The following PTK2 variants were observed in gnomAD, a reference collection of about 807,000 sequenced individuals.
PTK2 encodes focal adhesion kinase 1.
Under a neutral mutation model 150.1 loss-of-function variants are expected in PTK2, and 45 were observed. The observed-to-expected ratio is 0.30, with a 90% confidence interval of 0.24 to 0.38. The LOEUF (loss-of-function observed/expected upper bound fraction) is 0.38. Ranked by LOEUF, PTK2 falls within the 10% of genes least tolerant of loss-of-function variation. The pLI is 1.00. For missense variants in PTK2, 919 were observed against 1,307.3 expected, an observed-to-expected ratio of 0.70 and a Z score of 4.58; for synonymous variants, 432 against 449.2, an observed-to-expected ratio of 0.96 and a Z score of 0.48.
intron 7 of PTK2, among the ~76,000 whole-genome samples, chr8:140,836,681 C>G (rs550193680): frequency 2.6e-5 from 4 of 152,104 alleles, no homozygotes; most frequent in African/African-American, 9.6e-5. Context: ...AATTTTAAAC[C>G]ACAAATTTAT....
exon 2 of PTK2, chr8:140,925,733 G>T: frequency 1.2e-6 from 1 of 862,642 alleles, no homozygotes. Context: ...GAAGATGCAA[G>T]GGAGCCCCAG....
rs57931737 is a variant in PTK2 at position 140,927,958 on chromosome 8, GAAAAAAA to G, written c.-121-2216_-121-2210del. Among the ~76,000 whole-genome samples the G allele has an allele frequency of 1.1e-3, 71 of 63,670 alleles. 1 individual carries two copies. The highest frequency in any genetic ancestry group is 4.4e-3 in the African/African-American group (68 of 15,334). The allele number at this position is 63,670 out of a possible 152,430, so 41.8% of individuals were successfully genotyped here. On this transcript the variant is annotated intron_variant, in intron 1 of 31. Coordinates refer to ENST00000522684, the Ensembl canonical transcript of PTK2. ...TCAAAAAGAAAAAAAAAAAAAAAAA[GAAAAAAA>G]AAAAAAAAAAATATATATATATATA...
chr8:140,830,013 T>A (rs566498494), intron 8 of PTK2, among the ~76,000 whole-genome samples: 3 of 152,048 alleles, frequency 2.0e-5, no homozygotes, highest in Non-Finnish European at 2.9e-5. Context: ...AAGCTACTAA[T>A]GCGGGGAAGC....
chr8:140,986,176 T>C (rs1037480417), intron 1 of PTK2, among the ~76,000 whole-genome samples: 1 of 152,210 alleles, frequency 6.6e-6, no homozygotes, highest in Non-Finnish European at 1.5e-5. Context: ...TAATGAGCAC[T>C]TGAAATGGGA....
intron 22 of PTK2, among the ~76,000 whole-genome samples, chr8:140,723,523 C>G (rs970806769): frequency 6.6e-6 from 1 of 152,220 alleles, no homozygotes; most frequent in African/African-American, 2.4e-5. Flanking sequence ...TTTCTCTTTA[C>G]AGCTGCTGAA....
At chr8:140,798,601 T>C (rs1202304037) in intron 12 of PTK2, among the ~76,000 whole-genome samples, 1 of 152,172 alleles carries the variant, frequency 6.6e-6, no homozygotes, top group South Asian at 2.1e-4. Context: ...CAGGAAGATG[T>C]TTACGTTTTA....
At chr8:140,680,541 A>C (rs940578517) in intron 27 of PTK2, among the ~76,000 whole-genome samples, 5 of 152,214 alleles carry the variant, frequency 3.3e-5, no homozygotes, top group African/African-American at 1.2e-4. Flanking sequence ...GGTTTGATTA[A>C]CAAATTTACA....
chr8:140,834,160 G>C (rs2154603192), intron 7 of PTK2, among the ~76,000 whole-genome samples: 1 of 152,296 alleles, frequency 6.6e-6, no homozygotes, highest in South Asian at 2.1e-4. Flanking sequence ...CCAGAGCAAT[G>C]AATCTAGGAC....
chr8:140,974,877 T>A (rs1569529373), intron 1 of PTK2, among the ~76,000 whole-genome samples: 1 of 151,784 alleles, frequency 6.6e-6, no homozygotes, highest in Non-Finnish European at 1.5e-5. Context: ...AAAAAAAAAA[T>A]TAAGAGCAAA....
intron 1 of PTK2, among the ~76,000 whole-genome samples, chr8:140,991,647 T>C (rs192019061): frequency 2.6e-5 from 4 of 152,240 alleles, no homozygotes; most frequent in Admixed American, 2.6e-4. Context: ...TTGCATTTCT[T>C]TCAAAACACC....
rs1191668011 is a variant in PTK2 at position 140,819,139 on chromosome 8, C to A, written c.649-119G>T. 2.0e-5 allele frequency: 19 copies of A among 972,976 alleles called. No homozygotes were observed. In the South Asian group the frequency reaches 3.4e-4, roughly 17 times the overall value. 60.3% of individuals were successfully genotyped at this position (972,976 alleles called of 1,614,324 possible). On this transcript the variant is annotated intron_variant, in intron 8 of 31. Coordinates refer to ENST00000522684, the Ensembl canonical transcript of PTK2. ...ACTAACACCTACATTCAAATTACTGCCAAAAAGTATACTTGTCAAATAACT... is the reference window on the plus strand; with the variant it reads ...ACTAACACCTACATTCAAATTACTGACAAAAAGTATACTTGTCAAATAACT...
intron 1 of PTK2, among the ~76,000 whole-genome samples, chr8:140,961,071 T>A (rs185737400): frequency 2.0e-5 from 3 of 152,304 alleles, no homozygotes; most frequent in African/African-American, 7.2e-5. Flanking sequence ...AGAAAAGACA[T>A]CTGAAATCAA....
chr8:140,808,622 C>A (rs2100099523), intron 10 of PTK2, among the ~76,000 whole-genome samples: 1 of 151,760 alleles, frequency 6.6e-6, no homozygotes, highest in Non-Finnish European at 1.5e-5. Flanking sequence ...TCATAATATG[C>A]TCATAGAAAT....
chr8:140,706,381 T>C (rs928339922), intron 23 of PTK2, among the ~76,000 whole-genome samples, 176 bp from the exon 27 acceptor site: 8 of 152,236 alleles, frequency 5.3e-5, no homozygotes, highest in African/African-American at 1.9e-4. Context: ...CTGTGGCAAC[T>C]GGATAGCTAC....
chr8:140,664,927 G>A, exon 31 of PTK2: 3 of 1,603,502 alleles, frequency 1.9e-6, no homozygotes, highest in Non-Finnish European at 2.6e-6. Context: ...CTCTCGGTGG[G>A]TGCTGGCTGG....
intron 1 of PTK2, among the ~76,000 whole-genome samples, chr8:140,960,143 A>G (rs894397086): frequency 6.7e-6 from 1 of 149,356 alleles, no homozygotes; most frequent in African/African-American, 2.5e-5. Context: ...ATGAACATAT[A>G]TTGTATTAGA....
intron 8 of PTK2, among the ~76,000 whole-genome samples, chr8:140,820,076 G>GTTTTTTTTTTTTTTTTT (rs370537018): frequency 6.0e-5 from 3 of 50,252 alleles, no homozygotes; most frequent in Admixed American, 3.0e-4. Context: ...TCTGACTTTG[G>GTTTTTTTTTTTTTTTTT]TTTTTTTTTT....
chr8:140,975,604 G>T (rs570010234), intron 1 of PTK2, among the ~76,000 whole-genome samples: 2 of 152,134 alleles, frequency 1.3e-5, no homozygotes, highest in East Asian at 3.8e-4. Context: ...GTTGAGGAGA[G>T]GGGGGAGGGG....
chr8:140,789,242 C>T (rs1294220550), intron 14 of PTK2, among the ~76,000 whole-genome samples: 2 of 147,858 alleles, frequency 1.4e-5, no homozygotes, highest in East Asian at 2.0e-4. Flanking sequence ...TTCTATACAA[C>T]TTGCTGAGTG....
Sources: allele counts gnomAD v4.1 joint callset (sites outside exome capture counted in the v4.1 genomes callset), GRCh38; gene constraint gnomAD v4.1.1; transcripts MANE v1.5; gene names NCBI Gene and HGNC (gene_info 2026-07-23, HGNC 2026-07-21).